Variants in ARHGAP32 observed in about 807,000 individuals in gnomAD.
ARHGAP32 encodes Rho GTPase activating protein 32.
ARHGAP32 carries 51 observed loss-of-function variants against 186.5 expected under a neutral mutation model. The ratio of observed to expected loss-of-function variants is 0.27; its 90% CI spans 0.22 to 0.35. The LOEUF is 0.35. ARHGAP32 is among the 10% of genes least tolerant of loss of function. The pLI is 1.00. For synonymous variants in ARHGAP32, 950 were observed against 964.3 expected (o/e 0.99, Z 0.27); for missense variants, 2,186 against 2,623.5 (o/e 0.83, Z 3.64).
intron 2 of ARHGAP32, among the ~76,000 whole-genome samples, chr11:129,153,959 G>C (rs954446516): frequency 6.9e-4 from 104 of 151,620 alleles, no homozygotes; most frequent in African/African-American, 2.5e-3. Context: ...TAACAGAATG[G>C]GTGAAAATAT....
At chr11:129,032,657 A>G (rs1939164523) in intron 11 of ARHGAP32, among the ~76,000 whole-genome samples, 1 of 152,258 alleles carries the variant, frequency 6.6e-6, no homozygotes, top group South Asian at 2.1e-4. Flanking sequence ...TACCAAAAGT[A>G]TTTTTTGAAA....
At chr11:129,265,505 A>G (rs1341533575) in intron 1 of ARHGAP32, among the ~76,000 whole-genome samples, 1 of 152,230 alleles carries the variant, frequency 6.6e-6, no homozygotes, top group African/African-American at 2.4e-5. Context: ...ACAAAGTAGT[A>G]CTGAGGAAAA....
chr11:129,195,258 G>A (rs1185716813), upstream of ARHGAP32, among the ~76,000 whole-genome samples: 1 of 152,026 alleles, frequency 6.6e-6, no homozygotes, highest in East Asian at 1.9e-4. Context: ...GGGATTACAG[G>A]TATGAGCTAC....
At chr11:129,139,038 A>G (rs1467108255) in intron 2 of ARHGAP32, among the ~76,000 whole-genome samples, 1 of 152,190 alleles carries the variant, frequency 6.6e-6, no homozygotes, top group Non-Finnish European at 1.5e-5. Flanking sequence ...GAACAATGAG[A>G]AATAGCTTTC....
chr11:129,099,548 G>C (rs1941830688), intron 5 of ARHGAP32, among the ~76,000 whole-genome samples: 2 of 152,086 alleles, frequency 1.3e-5, no homozygotes, highest in Admixed American at 1.3e-4. Flanking sequence ...GGTTACAGGA[G>C]ATACACTTTA....
At chr11:129,055,622 A>G (rs1276724763) in intron 10 of ARHGAP32, among the ~76,000 whole-genome samples, 5 of 152,238 alleles carry the variant, frequency 3.3e-5, no homozygotes, top group African/African-American at 4.8e-5. Context: ...CTATCAAGCC[A>G]GAGAAAGACA....
chr11:129,131,209 G>A (rs1461171184), intron 2 of ARHGAP32, among the ~76,000 whole-genome samples: 2 of 152,114 alleles, frequency 1.3e-5, no homozygotes, highest in Admixed American at 1.3e-4. Context: ...TTATATCTCG[G>A]TGTGGGTGGT....
intron 1 of ARHGAP32, among the ~76,000 whole-genome samples, chr11:129,242,503 G>T (rs562325080): frequency 2.9e-3 from 439 of 152,260 alleles, no homozygotes; most frequent in Non-Finnish European, 5.1e-3. Context: ...CAGATCACAA[G>T]GTCAGGAGAT....
At chr11:129,180,392 T>G (rs985266855) in intron 1 of ARHGAP32, among the ~76,000 whole-genome samples, 2 of 152,156 alleles carry the variant, frequency 1.3e-5, no homozygotes, top group African/African-American at 4.8e-5. Context: ...GTGCTAGAAA[T>G]AATCTATACC....
At chr11:129,073,414 A>G (rs76358841) in intron 6 of ARHGAP32, among the ~76,000 whole-genome samples, 2,627 of 152,290 alleles carry the variant, frequency 0.017, 73 homozygotes, top group African/African-American at 0.058. Context: ...AAGAATAAAA[A>G]AATGCTAGAG....
rs754105647 is a variant in ARHGAP32 at position 128,970,860 on chromosome 11, A to C, written c.4353T>G (p.Ser1451Arg). The C allele has an allele frequency of 6.2e-7, 1 of 1,614,170 alleles. No individual in the cohort carries two copies. Among genetic ancestry groups the C allele is most frequent in the South Asian group, 1.1e-5 (1 of 91,078 alleles). The change falls in exon 23 of 23, where the codon AGT (serine) becomes AGG (arginine). Residue 1451 changes from serine (S) to arginine (R), a missense_variant. Ser to Arg is a moderately radical substitution (Grantham distance 110). Around this residue, in one of 5 missense-constraint regions of ARHGAP32, gnomAD observed 1,502 missense variants for 1,570.0 expected, o/e 0.96. Coordinates refer to ENST00000682385, the MANE Select transcript of ARHGAP32 (RefSeq NM_001378024.1). The surrounding 1 kb of genome is among the most constrained non-coding windows in gnomAD (Gnocchi z 5.8). Reference sequence around the variant, plus strand: ...CAGTGACAAAGGAATGATAATTTGAACTGCTGGTGGCATCTGCACTGCTGG... The same window carrying C: ...CAGTGACAAAGGAATGATAATTTGACCTGCTGGTGGCATCTGCACTGCTGG... ...IHSSSADATS[S>R]SNYHSFVTAS...
intron 16 of ARHGAP32, 110 bp from the exon 17 acceptor site, chr11:128,981,671 C>A: frequency 7.7e-7 from 1 of 1,302,210 alleles, no homozygotes; most frequent in East Asian, 2.4e-5. Flanking sequence ...CATACTTTTA[C>A]TGTCCCTTAG....
intron 6 of ARHGAP32, among the ~76,000 whole-genome samples, chr11:129,070,798 C>T (rs897714838): frequency 2.0e-5 from 3 of 151,876 alleles, no homozygotes; most frequent in Admixed American, 2.0e-4. Context: ...CAAATGCATC[C>T]TCACAAATAC....
intron 5 of ARHGAP32, among the ~76,000 whole-genome samples, chr11:129,100,730 T>C (rs1941872510): frequency 6.6e-6 from 1 of 152,058 alleles, no homozygotes; most frequent in Non-Finnish European, 1.5e-5. Flanking sequence ...GAGTGACCAC[T>C]TCTGCTTATG....
intron 11 of ARHGAP32, among the ~76,000 whole-genome samples, chr11:129,021,481 CTG>C (rs1042234310): frequency 6.6e-6 from 1 of 152,062 alleles, no homozygotes; most frequent in Non-Finnish European, 1.5e-5. Context: ...AGTACACAAA[CTG>C]TTACAACACA....
chr11:129,212,891 A>C (rs1236750468), intron 1 of ARHGAP32, among the ~76,000 whole-genome samples: 1 of 151,948 alleles, frequency 6.6e-6, no homozygotes, highest in African/African-American at 2.4e-5. Flanking sequence ...CTTACAAGAC[A>C]ACAAAATTTT....
intron 5 of ARHGAP32, among the ~76,000 whole-genome samples, chr11:129,114,208 T>C (rs768569536): frequency 6.6e-5 from 10 of 152,112 alleles, no homozygotes; most frequent in Admixed American, 1.3e-4. Context: ...TGGTCTCACT[T>C]ATAAGAGGGA....
intron 10 of ARHGAP32, among the ~76,000 whole-genome samples, chr11:129,043,576 T>C (rs1378184739): frequency 6.6e-6 from 1 of 151,810 alleles, no homozygotes; most frequent in Non-Finnish European, 1.5e-5. Context: ...TTAGTAGAGA[T>C]GGGTTTTCTC....
intron 1 of ARHGAP32, among the ~76,000 whole-genome samples, chr11:129,233,255 T>C (rs1201667082): frequency 6.6e-6 from 1 of 151,860 alleles, no homozygotes; most frequent in Non-Finnish European, 1.5e-5. Flanking sequence ...GTGGTAGGAG[T>C]GGCTTTGGAT....
Sources: gnomAD v4.1 joint callset for allele counts (sites outside exome capture counted in the v4.1 genomes callset) on GRCh38, gnomAD v4.1.1 for gene constraint, gnomAD v4.1.1 regional missense constraint, Gnocchi (gnomAD v3.1) non-coding constraint, MANE v1.5 for transcripts, NCBI Gene and HGNC (gene_info 2026-07-23, HGNC 2026-07-21) for gene names.